Variants in ZNF704 observed in about 807,000 individuals in gnomAD.
ZNF704 encodes the protein glucocorticoid induced gene 1.
In ZNF704, 10 loss-of-function variants were observed where a neutral mutation model predicts 44.7. The observed-to-expected ratio is 0.22, with a 90% CI of 0.14 to 0.38. The LOEUF is 0.38. Among genes scored for constraint, ZNF704 ranks in the 10% least tolerant of loss-of-function variants. The probability of loss-of-function intolerance (pLI) is 1.00; values close to 1 mark genes in which losing one functional copy is unlikely to be tolerated. For synonymous variants in ZNF704, 211 were observed against 207.6 expected (o/e 1.02, Z -0.14); for missense variants, 390 against 545.5 (o/e 0.71, Z 2.84).
intron 2 of ZNF704, among the ~76,000 whole-genome samples, chr8:80,696,330 T>G (rs552191951): frequency 1.3e-5 from 2 of 152,364 alleles, no homozygotes; most frequent in African/African-American, 4.8e-5. Context: ...TTGAATAGTA[T>G]GGGACTTAAA....
chr8:80,801,889 G>A (rs1807906377), intron 2 of ZNF704, among the ~76,000 whole-genome samples: 1 of 151,964 alleles, frequency 6.6e-6, no homozygotes, highest in African/African-American at 2.4e-5. Context: ...CCAGGAGCTG[G>A]TTTTTTGAAA....
At chr8:80,835,369 T>G (rs998047130) in intron 1 of ZNF704, among the ~76,000 whole-genome samples, 2 of 152,184 alleles carry the variant, frequency 1.3e-5, no homozygotes, top group African/African-American at 4.8e-5. Flanking sequence ...AGAACTTGTC[T>G]TGAAGAAAAC....
At chr8:80,680,909 C>T (rs1254771836) in intron 4 of ZNF704, among the ~76,000 whole-genome samples, 2 of 152,166 alleles carry the variant, frequency 1.3e-5, no homozygotes, top group African/African-American at 2.4e-5. Context: ...TTTATAGATG[C>T]TGTGGTGATA....
chr8:80,878,150 T>C (rs1002147243), upstream of ZNF704, among the ~76,000 whole-genome samples: 4 of 152,146 alleles, frequency 2.6e-5, no homozygotes, highest in Admixed American at 1.3e-4. Context: ...GGCTGGCTCC[T>C]GTCTGGTTTC....
chr8:80,691,042 C>T lies in ZNF704; in HGVS notation c.325+1962G>A, dbSNP rs1818624891. On this transcript the variant is annotated intron_variant, in intron 3 of 8. Transcript: ENST00000327835. ...AAAAAAAAAAAAGAGGAAGTGTTATCCCAGCTTGATGAATCATGATGTTGT... is the reference window on the plus strand; with the variant it reads ...AAAAAAAAAAAAGAGGAAGTGTTATTCCAGCTTGATGAATCATGATGTTGT... 2.0e-5 allele frequency among the ~76,000 whole-genome samples: 3 copies of T among 151,960 alleles called. No individual in the cohort carries two copies. In the South Asian group the frequency reaches 6.2e-4, roughly 32 times the overall value.
chr8:80,655,638 T>C lies in ZNF704; in HGVS notation c.1032+3947A>G, dbSNP rs73260960. 5.2e-3 allele frequency among the ~76,000 whole-genome samples: 791 copies of C among 152,300 alleles called. 6 individuals are homozygous for C. Among genetic ancestry groups the C allele is most frequent in the African/African-American group, 0.018 (745 of 41,558 alleles). Reference sequence around the variant, plus strand: ...AGGATATTACTTTAGAAGGATCACATGGCGTTCACAAATGCCAGAGCCAGG... The same window carrying C: ...AGGATATTACTTTAGAAGGATCACACGGCGTTCACAAATGCCAGAGCCAGG... On this transcript the variant is annotated intron_variant, in intron 7 of 8. Transcript: ENST00000327835.
At chr8:80,814,843 G>T (rs935345583) in intron 2 of ZNF704, among the ~76,000 whole-genome samples, 2 of 152,034 alleles carry the variant, frequency 1.3e-5, no homozygotes, top group South Asian at 4.1e-4. Context: ...TCCAGGAACT[G>T]CTAGGCTTCT....
chr8:80,672,954 T>C (rs1333004540), intron 4 of ZNF704, among the ~76,000 whole-genome samples: 2 of 152,078 alleles, frequency 1.3e-5, no homozygotes, highest in Non-Finnish European at 2.9e-5. Flanking sequence ...AATACGGCAA[T>C]ATGCATACTC....
At chr8:80,787,661 T>C (rs1485022512) in intron 2 of ZNF704, among the ~76,000 whole-genome samples, 1 of 152,152 alleles carries the variant, frequency 6.6e-6, no homozygotes, top group African/African-American at 2.4e-5. Flanking sequence ...GCCTCATGTT[T>C]ACCCCTTCCC....
chr8:80,800,778 A>G (rs1342436283), intron 2 of ZNF704, among the ~76,000 whole-genome samples: 2 of 152,190 alleles, frequency 1.3e-5, no homozygotes, highest in African/African-American at 4.8e-5. Context: ...ACCAGCTAGC[A>G]TCATGATGAT....
At position 80,874,321 on chromosome 8, in the gene ZNF704, T is replaced by TCCGCCGCCG. The variant is rs1318271866; in HGVS notation, c.-22+241_-22+249dup. Among the ~76,000 whole-genome samples, 15 of 143,804 alleles carry TCCGCCGCCG rather than the reference T, an allele frequency of 1.0e-4. No homozygotes were observed. Among genetic ancestry groups the TCCGCCGCCG allele is most frequent in the African/African-American group, 3.0e-4 (12 of 40,028 alleles). 94.3% of individuals were successfully genotyped at this position (143,804 alleles called of 152,430 possible). ...TGTGAGCGAGCGGCGCGCTGCCGCCTCCGCCGCCGCCGCCGCCGCCCGGGA... is the reference window on the plus strand; with the variant it reads ...TGTGAGCGAGCGGCGCGCTGCCGCCTCCGCCGCCGCCGCCGCCGCCGCCGCCGCCCGGGA... On this transcript the variant is annotated intron_variant, in intron 1 of 8. Transcript: ENST00000327835. This position sits in a 1 kb window ranked among gnomAD's most constrained non-coding sequence, Gnocchi z 4.4.
chr8:80,651,395 C>A (rs199906154), intron 7 of ZNF704, among the ~76,000 whole-genome samples: 161 of 135,586 alleles, frequency 1.2e-3, no homozygotes, highest in South Asian at 2.3e-3. Context: ...AGTCAAGACC[C>A]ATCAGTGTGC....
intron 3 of ZNF704, 96 bp from the exon 4 acceptor site, chr8:80,687,554 CA>C (rs1818561560): frequency 1.1e-6 from 1 of 887,258 alleles, no homozygotes; most frequent in Non-Finnish European, 1.6e-6. Context: ...CCAGTGAAAC[CA>C]CCCCAGCCCT....
chr8:80,863,428 CCAATTATTT>C (rs1255173804), intron 1 of ZNF704, among the ~76,000 whole-genome samples: 1 of 152,104 alleles, frequency 6.6e-6, no homozygotes, highest in Non-Finnish European at 1.5e-5. Context: ...GGTACCAATT[CCAATTATTT>C]CAATTATTTA....
intron 1 of ZNF704, among the ~76,000 whole-genome samples, chr8:80,870,617 T>C (rs1809235091): frequency 6.6e-6 from 1 of 152,212 alleles, no homozygotes; most frequent in Admixed American, 6.5e-5. Flanking sequence ...TTTTCTAGTT[T>C]TCCTTCTACT....
At chr8:80,654,424 T>A (rs1017479024) in intron 7 of ZNF704, among the ~76,000 whole-genome samples, 5 of 151,880 alleles carry the variant, frequency 3.3e-5, no homozygotes, top group African/African-American at 1.2e-4. Context: ...TGGGAGAAAA[T>A]TTTTGCAATT....
intron 2 of ZNF704, among the ~76,000 whole-genome samples, chr8:80,803,844 A>C (rs1305672959): frequency 1.3e-5 from 2 of 152,256 alleles, no homozygotes; most frequent in African/African-American, 2.4e-5. Context: ...GGATCTAATT[A>C]AACTAAAGAG....
At chr8:80,858,701 A>C (rs1181668038) in intron 1 of ZNF704, among the ~76,000 whole-genome samples, 1 of 152,122 alleles carries the variant, frequency 6.6e-6, no homozygotes, top group East Asian at 1.9e-4. Flanking sequence ...AAAACAAAAA[A>C]CAAACAAAAC....
intron 1 of ZNF704, among the ~76,000 whole-genome samples, chr8:80,838,404 A>G (rs1305239379): frequency 1.3e-5 from 2 of 152,206 alleles, no homozygotes; most frequent in African/African-American, 2.4e-5. Flanking sequence ...GGCCAACTGA[A>G]TCCTTTCTTT....
Sources: allele counts gnomAD v4.1 joint callset (sites outside exome capture counted in the v4.1 genomes callset), GRCh38; gene constraint gnomAD v4.1.1; non-coding constraint Gnocchi (gnomAD v3.1); transcripts MANE v1.5; gene names NCBI Gene and HGNC (gene_info 2026-07-23, HGNC 2026-07-21).